The following TIAM1 variants were observed in gnomAD, a reference collection of about 807,000 sequenced individuals.
TIAM1 encodes the protein rho guanine nucleotide exchange factor TIAM1.
Under a neutral mutation model 163.5 loss-of-function variants are expected in TIAM1, and 65 were observed. The observed-to-expected ratio is 0.40, with a 90% CI of 0.33 to 0.49. TIAM1 has a LOEUF of 0.49. Among genes scored for constraint, TIAM1 ranks in the 20% least tolerant of loss-of-function variants. TIAM1 has a pLI of 0.77. For missense variants in TIAM1, 1,789 were observed against 2,044.7 expected (o/e 0.87, Z 2.41); for synonymous variants, 833 against 810.1 (o/e 1.03, Z -0.48).
chr21:31,383,051 C>T (rs2076805638), intron 2 of TIAM1, among the ~76,000 whole-genome samples: 1 of 152,002 alleles, frequency 6.6e-6, no homozygotes, highest in African/African-American at 2.4e-5. Flanking sequence ...ACCAACCTGG[C>T]CAACATGGTG....
At chr21:31,347,643 T>C (rs773553749), upstream of TIAM1, among the ~76,000 whole-genome samples, 13 of 152,210 alleles carry the variant, frequency 8.5e-5, no homozygotes, top group Non-Finnish European at 4.4e-5. Flanking sequence ...CAGCTGACTT[T>C]TGTTGTTAAT....
intron 15 of TIAM1, among the ~76,000 whole-genome samples, chr21:31,180,776 T>C (rs1175337444): frequency 6.6e-6 from 1 of 152,254 alleles, no homozygotes. Context: ...TTCATTCTCC[T>C]TTACTAAGGG....
intron 2 of TIAM1, among the ~76,000 whole-genome samples, chr21:31,359,485 G>A (rs2076367546): frequency 6.6e-6 from 1 of 152,030 alleles, no homozygotes; most frequent in Admixed American, 6.6e-5. Context: ...GAAAGAGAAG[G>A]TAGGAGACAT....
At chr21:31,125,513 C>T (rs565251573) in intron 26 of TIAM1, among the ~76,000 whole-genome samples, 2 of 152,358 alleles carry the variant, frequency 1.3e-5, no homozygotes, top group Non-Finnish European at 2.9e-5. Context: ...TCACCCAACA[C>T]AGAGAGATCT....
intron 2 of TIAM1, among the ~76,000 whole-genome samples, chr21:31,304,803 G>A (rs564907965): frequency 2.6e-5 from 4 of 152,152 alleles, no homozygotes; most frequent in East Asian, 1.9e-4. Flanking sequence ...AGCGATTCTC[G>A]TGCCGCAGCC....
rs1346786479 is a variant in TIAM1 at position 31,120,338 on chromosome 21, C to T, written c.*30G>A. Reference sequence around the variant, plus strand: ...GCAGAGTTAGGGCAGGAAGTATCTACACACATTCTCTACGGGGCAGGTGAC... The same window carrying T: ...GCAGAGTTAGGGCAGGAAGTATCTATACACATTCTCTACGGGGCAGGTGAC... On this transcript the variant is annotated 3_prime_UTR_variant, in exon 28 of 28. Transcript: ENST00000541036. This position sits in a 1 kb window ranked among gnomAD's most constrained non-coding sequence, Gnocchi z 4.2. 3 of 1,571,332 alleles carry T rather than the reference C, an allele frequency of 1.9e-6. No individual in the cohort carries two copies. The highest frequency in any genetic ancestry group is 1.2e-5 in the South Asian group (1 of 82,540).
intron 2 of TIAM1, among the ~76,000 whole-genome samples, chr21:31,453,893 C>T (rs1351315112): frequency 6.6e-6 from 1 of 152,138 alleles, no homozygotes; most frequent in East Asian, 1.9e-4. Context: ...CCTTCTTGCT[C>T]AGCCTGGTCC....
chr21:31,376,240 T>C (rs771507656), intron 2 of TIAM1, among the ~76,000 whole-genome samples: 6 of 152,098 alleles, frequency 3.9e-5, no homozygotes, highest in Non-Finnish European at 8.8e-5. Context: ...CACACGCATG[T>C]ACACATGTGC....
chr21:31,409,952 C>T (rs2077317148), intron 2 of TIAM1, among the ~76,000 whole-genome samples: 2 of 151,444 alleles, frequency 1.3e-5, no homozygotes, highest in Non-Finnish European at 2.9e-5. Flanking sequence ...CTGTTGATTC[C>T]TTTGAGAGAA....
At chr21:31,261,439 C>T (rs938871021) in intron 4 of TIAM1, among the ~76,000 whole-genome samples, 3 of 152,012 alleles carry the variant, frequency 2.0e-5, no homozygotes, top group African/African-American at 4.8e-5. Context: ...TGGCCGGGTG[C>T]GGTGGCTCAC....
At chr21:31,250,092 G>A (rs1310335681) in intron 5 of TIAM1, among the ~76,000 whole-genome samples, 1 of 149,706 alleles carries the variant, frequency 6.7e-6, no homozygotes, top group Non-Finnish European at 1.5e-5. Flanking sequence ...GCTGCAGTGA[G>A]CTGTAACTGT....
chr21:31,358,120 C>G (rs1012279259), intron 2 of TIAM1, among the ~76,000 whole-genome samples: 1 of 152,182 alleles, frequency 6.6e-6, no homozygotes, highest in Non-Finnish European at 1.5e-5. Context: ...TCAGTTCCTG[C>G]AGGACCTGTC....
intron 25 of TIAM1, among the ~76,000 whole-genome samples, chr21:31,127,363 G>A (rs2082239968): frequency 6.6e-6 from 1 of 151,748 alleles, no homozygotes; most frequent in South Asian, 2.1e-4. Flanking sequence ...AAAATTTCCA[G>A]TTGGTAAAAT....
At chr21:31,152,953 A>G (rs1251174183) in intron 18 of TIAM1, 113 bp downstream of exon 18, 2 of 1,323,434 alleles carry the variant, frequency 1.5e-6, no homozygotes, top group African/African-American at 2.9e-5. Flanking sequence ...AGCTAGTTAC[A>G]ATTAAATAAA....
rs532498621 is a variant in TIAM1, at chr21:31,505,639, A to G, written c.-421-41604T>C. ...CAGTGGATCAGCATTACCGTCTTAG[A>G]TGTTTAAAGCCTCTGAAGTTTTCTT... On this transcript the variant is annotated intron_variant, in intron 1 of 28. Coordinates refer to the TIAM1 transcript ENST00000286827. Among the ~76,000 whole-genome samples the G allele has an allele frequency of 5.9e-5, 9 of 152,300 alleles. No homozygotes were observed. In the East Asian group the frequency reaches 1.7e-3, roughly 29 times the overall value.
rs776137189 is a variant in TIAM1 at position 31,266,864 on chromosome 21, G to C, written c.109C>G (p.Arg37Gly). The C allele has an allele frequency of 6.2e-7, 1 of 1,614,020 alleles. No homozygotes were observed. Among genetic ancestry groups the C allele is most frequent in the East Asian group, 2.2e-5 (1 of 44,876 alleles). Residue 37 changes from arginine (R) to glycine (G), a missense_variant, in exon 4 of 28, where the codon CGG becomes GGG. Coordinates refer to ENST00000541036, the MANE Select transcript of TIAM1 (RefSeq NM_001353694.2). ...CCCGAGGAAGCGTGCCTGGTCCTCC[G>C]CGTCTTGTGCGAGAGGCGCAGGGAG... is the stretch of plus-strand genomic sequence containing the variant. ...SRSLRLSHKT[R>G]RTRHASSGKV...
At chr21:31,251,585 C>A (rs2071805587) in intron 5 of TIAM1, among the ~76,000 whole-genome samples, 157 bp downstream of exon 5, 1 of 152,172 alleles carries the variant, frequency 6.6e-6, no homozygotes, top group African/African-American at 2.4e-5. Flanking sequence ...AGATTTCATG[C>A]GAAGTGCTCT....
chr21:31,518,960 C>T (rs1048747796), intron 1 of TIAM1, among the ~76,000 whole-genome samples: 5 of 152,078 alleles, frequency 3.3e-5, no homozygotes, highest in African/African-American at 1.2e-4. Context: ...TTTGGGAGGA[C>T]AAGGCAAGAG....
intron 1 of TIAM1, among the ~76,000 whole-genome samples, chr21:31,533,442 C>T (rs899253815): frequency 2.0e-5 from 3 of 152,176 alleles, no homozygotes; most frequent in Non-Finnish European, 2.9e-5. Context: ...ATCATTTCAA[C>T]ATATAATCAA....
Sources: allele counts gnomAD v4.1 joint callset (sites outside exome capture counted in the v4.1 genomes callset), GRCh38; gene constraint gnomAD v4.1.1; non-coding constraint Gnocchi (gnomAD v3.1); transcripts MANE v1.5; gene names NCBI Gene and HGNC (gene_info 2026-07-23, HGNC 2026-07-21).